ME1: variants seen among roughly 807,000 people sequenced by gnomAD.
The protein encoded by ME1 is NADP-dependent malic enzyme.
ME1 carries 74 observed loss-of-function variants against 66.4 expected under a neutral mutation model. The ratio of observed to expected loss-of-function variants is 1.11; its 90% CI spans 0.92 to 1.35. The LOEUF (loss-of-function observed/expected upper bound fraction) is 1.35, where lower values mean the gene tolerates loss of function less well. Among genes scored for constraint, ME1 ranks in the 40% most tolerant of loss-of-function variants. The probability of loss-of-function intolerance (pLI) is 0.00; values close to 1 mark genes in which losing one functional copy is unlikely to be tolerated. For synonymous variants in ME1, 251 were observed against 235.6 expected (o/e 1.07, Z -0.60); for missense variants, 750 against 694.1 (o/e 1.08, Z -0.90).
chr6:83,384,221 G>C (rs1017047477), intron 3 of ME1, among the ~76,000 whole-genome samples: 1 of 151,990 alleles, frequency 6.6e-6, no homozygotes, highest in South Asian at 2.1e-4. Context: ...TGGTAGTTCA[G>C]TTTTCAGTTA....
At chr6:83,399,796 T>C (rs1170196819) in intron 2 of ME1, among the ~76,000 whole-genome samples, 1 of 152,194 alleles carries the variant, frequency 6.6e-6, no homozygotes, top group Non-Finnish European at 1.5e-5. Context: ...TTTCATTCCC[T>C]AGAATAGTTG....
chr6:83,398,828 G>T (rs2128550790), intron 2 of ME1, among the ~76,000 whole-genome samples: 1 of 151,244 alleles, frequency 6.6e-6, no homozygotes, highest in East Asian at 2.0e-4. Flanking sequence ...AAGTGGCCGG[G>T]CATGGTGGCT....
At chr6:83,421,130 T>A (rs895000102) in intron 1 of ME1, among the ~76,000 whole-genome samples, 4 of 151,842 alleles carry the variant, frequency 2.6e-5, no homozygotes, top group African/African-American at 9.7e-5. Context: ...TATGTAGATA[T>A]CAAAAAGGCA....
chr6:83,268,476 C>T (rs1767027332), intron 6 of ME1, among the ~76,000 whole-genome samples: 3 of 152,080 alleles, frequency 2.0e-5, no homozygotes, highest in Admixed American at 1.3e-4. Flanking sequence ...AGAATATTCA[C>T]AACATTCCCA....
chr6:83,272,425 A>G (rs1767100176), intron 6 of ME1, among the ~76,000 whole-genome samples: 1 of 152,180 alleles, frequency 6.6e-6, no homozygotes, highest in South Asian at 2.1e-4. Context: ...TGTGTAACAT[A>G]CTTTAATTGT....
intron 1 of ME1, among the ~76,000 whole-genome samples, chr6:83,424,301 G>A (rs1044933283): frequency 5.3e-5 from 8 of 151,878 alleles, no homozygotes; most frequent in Admixed American, 2.0e-4. Flanking sequence ...TGAAAAGTTC[G>A]GTATGTGTAT....
intron 6 of ME1, among the ~76,000 whole-genome samples, chr6:83,309,766 G>A (rs1290875874): frequency 2.0e-5 from 3 of 152,064 alleles, no homozygotes; most frequent in Admixed American, 6.6e-5. Context: ...TTCAAGCCCC[G>A]AAGCATTCTA....
chr6:83,230,897 C>T (rs1467305276), intron 9 of ME1, among the ~76,000 whole-genome samples: 4 of 152,056 alleles, frequency 2.6e-5, no homozygotes, highest in Non-Finnish European at 4.4e-5. Context: ...CACACCACTG[C>T]ACTCCAGCCT....
chr6:83,272,660 G>A (rs1767104846), intron 6 of ME1, among the ~76,000 whole-genome samples: 1 of 151,996 alleles, frequency 6.6e-6, no homozygotes, highest in South Asian at 2.1e-4. Flanking sequence ...CTAAGTCCAA[G>A]GATTAGATTC....
chr6:83,424,320 C>A (rs904930718), intron 1 of ME1, among the ~76,000 whole-genome samples: 1 of 151,726 alleles, frequency 6.6e-6, no homozygotes, highest in Non-Finnish European at 1.5e-5. Flanking sequence ...ATCATAATCA[C>A]CAGACCAAGT....
At chr6:83,248,814 C>G (rs1790669448) in intron 7 of ME1, among the ~76,000 whole-genome samples, 1 of 152,112 alleles carries the variant, frequency 6.6e-6, no homozygotes, top group Non-Finnish European at 1.5e-5. Context: ...AAACCTCTTT[C>G]CTTTACATAA....
chr6:83,279,108 C>A (rs1361104768), intron 6 of ME1, among the ~76,000 whole-genome samples: 1 of 152,100 alleles, frequency 6.6e-6, no homozygotes, highest in Non-Finnish European at 1.5e-5. Context: ...CTGGAAAAAT[C>A]CAAAGACAAG....
intron 10 of ME1, among the ~76,000 whole-genome samples, 163 bp downstream of exon 10, chr6:83,228,663 G>T (rs1272211776): frequency 1.3e-5 from 2 of 152,158 alleles, no homozygotes; most frequent in Non-Finnish European, 2.9e-5. Flanking sequence ...AAGACGACAG[G>T]ACTAAAGTTA....
chr6:83,301,685 CAT>C (rs1429922817), intron 6 of ME1, among the ~76,000 whole-genome samples: 4 of 152,078 alleles, frequency 2.6e-5, no homozygotes, highest in African/African-American at 9.7e-5. Context: ...AGCCAACAAA[CAT>C]ATGAAAAAAG....
chr6:83,285,953 G>T (rs1767388980), intron 6 of ME1, among the ~76,000 whole-genome samples: 1 of 152,068 alleles, frequency 6.6e-6, no homozygotes, highest in Admixed American at 6.6e-5. Flanking sequence ...TTAAAATTCA[G>T]CCAAAAGCAT....
intron 3 of ME1, chr6:83,392,676 G>A (rs142791608): frequency 4.5e-5 from 27 of 599,486 alleles, no homozygotes; most frequent in Admixed American, 1.7e-4. Context: ...AAATCAAATG[G>A]GGCAATGCTG....
At chr6:83,278,029 T>C (rs1401261904) in intron 6 of ME1, among the ~76,000 whole-genome samples, 1 of 152,074 alleles carries the variant, frequency 6.6e-6, no homozygotes, top group Non-Finnish European at 1.5e-5. Context: ...AGTTTCTGGT[T>C]CTTACATGTA....
chr6:83,429,263 A>AAAT (rs149455567), intron 1 of ME1, among the ~76,000 whole-genome samples: 115 of 151,812 alleles, frequency 7.6e-4, no homozygotes, highest in African/African-American at 1.2e-3. Context: ...ACTCCGTCTC[A>AAAT]AATAATAATA....
intron 1 of ME1, among the ~76,000 whole-genome samples, chr6:83,424,183 A>G (rs1332846868): frequency 6.6e-6 from 1 of 152,152 alleles, no homozygotes; most frequent in East Asian, 1.9e-4. Flanking sequence ...ATAAGAGGAT[A>G]TAATACATAT....
Sources: allele counts gnomAD v4.1 joint callset (sites outside exome capture counted in the v4.1 genomes callset), GRCh38; gene constraint gnomAD v4.1.1; transcripts MANE v1.5; gene names NCBI Gene and HGNC (gene_info 2026-07-23, HGNC 2026-07-21).